Variants in ACTR5 observed in about 807,000 individuals in gnomAD.
The protein encoded by ACTR5 is actin related protein 5, also known as actin-related protein 5.
In ACTR5, 43 loss-of-function variants were observed where a neutral mutation model predicts 61.2. The ratio of observed to expected loss-of-function variants is 0.70; its 90% CI spans 0.55 to 0.91. The LOEUF (loss-of-function observed/expected upper bound fraction) is 0.91. Ranked by LOEUF, ACTR5 falls within the 40% of genes least tolerant of loss-of-function variation. The pLI, the probability that ACTR5 is intolerant of heterozygous loss-of-function variation, is 0.00. For missense variants in ACTR5, 798 were observed against 782.2 expected (o/e 1.02, Z -0.24); for synonymous variants, 333 against 310.5 (o/e 1.07, Z -0.76).
At chr20:38,750,635 T>C (rs1454212995) in intron 2 of ACTR5, among the ~76,000 whole-genome samples, 2 of 151,992 alleles carry the variant, frequency 1.3e-5, no homozygotes, top group African/African-American at 2.4e-5. Flanking sequence ...TTTTGTTTGT[T>C]TGTTTGTTTG....
chr20:38,770,354 C>T (rs2084512740), intron 8 of ACTR5, among the ~76,000 whole-genome samples: 1 of 152,174 alleles, frequency 6.6e-6, no homozygotes, highest in Admixed American at 6.5e-5. Context: ...AAATATCAGA[C>T]AATTTAAACC....
At chr20:38,762,706 A>T (rs2084462425) in intron 5 of ACTR5, among the ~76,000 whole-genome samples, 1 of 152,144 alleles carries the variant, frequency 6.6e-6, no homozygotes, top group Non-Finnish European at 1.5e-5. Flanking sequence ...CTGGGTAGAG[A>T]AGGGCATGTG....
intron 2 of ACTR5, 99 bp downstream of exon 2, chr20:38,750,338 T>A: frequency 2.0e-6 from 2 of 1,010,994 alleles, no homozygotes; most frequent in African/African-American, 1.7e-5. Context: ...GAGCAAGTAC[T>A]AGCCTGTGAA....
chr20:38,749,072 C>G (rs990928685), intron 1 of ACTR5, among the ~76,000 whole-genome samples: 1 of 152,152 alleles, frequency 6.6e-6, no homozygotes, highest in African/African-American at 2.4e-5. Flanking sequence ...TGTTAAGAAG[C>G]CCATTTATTA....
In ACTR5 at chr20:38,748,639, G is replaced by T; in HGVS notation, c.161G>T (p.Gly54Val). 6.6e-7 allele frequency: 1 copy of T among 1,518,808 alleles called. No individual in the cohort carries two copies. Among genetic ancestry groups the T allele is most frequent in the Non-Finnish European group, 8.8e-7 (1 of 1,135,952 alleles). The allele number at this position is 1,518,808 out of a possible 1,614,324, so 94.1% of individuals were successfully genotyped here. The change falls in exon 1 of 9, where the codon GGT becomes GTT. Residue 54 changes from glycine (G) to valine (V), a missense_variant. Coordinates refer to ENST00000243903, the MANE Select transcript of ACTR5 (RefSeq NM_024855.4). ...AGWACPGQDP[G>V]PEPRLQFRAV... ...TGGGCGTGTCCCGGGCAGGACCCAGGTCCCGAGCCGCGCCTGCAGTTCCGC... is the reference window on the plus strand; with the variant it reads ...TGGGCGTGTCCCGGGCAGGACCCAGTTCCCGAGCCGCGCCTGCAGTTCCGC...
chr20:38,753,836 C>T (rs2079495351), intron 3 of ACTR5, among the ~76,000 whole-genome samples: 1 of 142,724 alleles, frequency 7.0e-6, no homozygotes, highest in Admixed American at 6.9e-5. Context: ...TATTGTTCCT[C>T]TGTTTCTCTC....
At chr20:38,758,677 A>G (rs2084435159) in intron 5 of ACTR5, among the ~76,000 whole-genome samples, 1 of 152,132 alleles carries the variant, frequency 6.6e-6, no homozygotes, top group Non-Finnish European at 1.5e-5. Context: ...ATCAGTCGTC[A>G]AAGCTTTAAT....
intron 2 of ACTR5, 135 bp from the exon 3 acceptor site, chr20:38,751,996 T>C: frequency 2.0e-6 from 2 of 1,003,096 alleles, no homozygotes; most frequent in Non-Finnish European, 1.4e-6. Flanking sequence ...ACGTCCCTTC[T>C]GACTATCAGG....
intron 4 of ACTR5, among the ~76,000 whole-genome samples, chr20:38,755,625 T>G (rs2084415898): frequency 6.6e-6 from 1 of 151,550 alleles, no homozygotes; most frequent in African/African-American, 2.4e-5. Flanking sequence ...GTAACAACCT[T>G]TTAGACATCT....
chr20:38,771,687 C>G lies in ACTR5; in HGVS notation c.1695C>G (p.Leu565=), dbSNP rs545066126. 2 of 1,614,202 alleles carry G rather than the reference C, an allele frequency of 1.2e-6. No homozygotes were observed. Among genetic ancestry groups the G allele is most frequent in the East Asian group, 4.5e-5 (2 of 44,882 alleles). ...KEYEEKGGEY[L]KEHCASNIYV... ...ATGAAGAAAAGGGAGGAGAGTACCT[C>G]AAGGAGCACTGTGCTTCCAACATCT... The change falls in exon 9 of 9, where the codon CTC becomes CTG. Residue 565 remains leucine (L), a synonymous_variant. Transcript: ENST00000243903.
chr20:38,766,280 A>G lies in ACTR5; in HGVS notation c.1336A>G (p.Thr446Ala). 6.2e-7 allele frequency: 1 copy of G among 1,614,034 alleles called. No homozygotes were observed. The highest frequency in any genetic ancestry group is 8.5e-7 in the Non-Finnish European group (1 of 1,179,998). Residue 446 changes from threonine to alanine, a missense_variant, in exon 7 of 9, where the codon ACA becomes GCA. Transcript: ENST00000243903. ...AGCATATCATCAGCTATTTGTTGGG[A>G]CAGAAAGAATTCGAGCTCCAGAGAT... is the stretch of plus-strand genomic sequence containing the variant. ...LAAYHQLFVG[T>A]ERIRAPEIIF...
In ACTR5 at chr20:38,755,860, C is replaced by G. The variant is rs371951076; in HGVS notation, c.997C>G (p.Leu333Val). ...TTTGTGACTGCTCTGTTTTCAGGAA[C>G]TTCTAGAGGATGGCCAGATGGATCA... Reference protein sequence around the residue: ...RLDRLLYVQELLEDGQMDQFH... With the variant: ...RLDRLLYVQEVLEDGQMDQFH... The change falls in exon 5 of 9, where the codon CTT (leucine) becomes GTT (valine). Residue 333 changes from leucine to valine, a missense_variant. Leu to Val is a conservative substitution (Grantham distance 32). Coordinates refer to ENST00000243903, the MANE Select transcript of ACTR5 (RefSeq NM_024855.4). 5 of 1,613,986 alleles carry G rather than the reference C, an allele frequency of 3.1e-6. No homozygotes were observed. The African/African-American group carries it at 6.7e-5, about 22-fold the overall frequency.
intron 1 of ACTR5, among the ~76,000 whole-genome samples, chr20:38,749,100 A>G (rs1453039047): frequency 6.6e-6 from 1 of 152,228 alleles, no homozygotes; most frequent in African/African-American, 2.4e-5. Flanking sequence ...CGTATTGAGC[A>G]CTTACTCTGT....
chr20:38,763,532 T>C (rs1162732943), intron 5 of ACTR5, among the ~76,000 whole-genome samples: 1 of 152,242 alleles, frequency 6.6e-6, no homozygotes, highest in Non-Finnish European at 1.5e-5. Context: ...TGTTTTCATG[T>C]TCCTAAAGCC....
At chr20:38,760,797 G>C (rs2084449131) in intron 5 of ACTR5, among the ~76,000 whole-genome samples, 1 of 152,126 alleles carries the variant, frequency 6.6e-6, no homozygotes, top group African/African-American at 2.4e-5. Context: ...GTAGATGGTA[G>C]TGCCTTTTGA....
rs763212899 is a variant in ACTR5, at chr20:38,771,797, G to A, written c.1805G>A (p.Gly602Asp). The A allele has an allele frequency of 2.4e-5, 39 of 1,612,538 alleles. No homozygotes were observed. In the East Asian group the frequency reaches 3.3e-4, roughly 14 times the overall value. Residue 602 changes from glycine to aspartate, a missense_variant, in exon 9 of 9, where the codon GGT (glycine) becomes GAT (aspartate). Gly to Asp is a moderately conservative substitution (Grantham distance 94, BLOSUM62 -1). Coordinates refer to ENST00000243903, the MANE Select transcript of ACTR5 (RefSeq NM_024855.4). ...SSKGSAAGGG[G>D]AGEQA is the part of the protein sequence containing the mutation. ...AAGGGCTCCGCTGCTGGTGGAGGTG[G>A]TGCTGGTGAGCAGGCATAGCAGAGG...
At chr20:38,762,381 C>T (rs1005058069) in intron 5 of ACTR5, among the ~76,000 whole-genome samples, 2 of 152,162 alleles carry the variant, frequency 1.3e-5, no homozygotes, top group South Asian at 2.1e-4. Context: ...CCTTTCAGGA[C>T]CTTACCTTAG....
chr20:38,752,093 C>T (rs1204230922), intron 2 of ACTR5, 38 bp from the exon 3 acceptor site: 2 of 1,592,708 alleles, frequency 1.3e-6, no homozygotes, highest in South Asian at 1.1e-5. Flanking sequence ...TTCTGTCCTC[C>T]AGAAATTTCA....
chr20:38,768,420 C>G (rs950938357), intron 8 of ACTR5, among the ~76,000 whole-genome samples: 5 of 152,176 alleles, frequency 3.3e-5, no homozygotes, highest in African/African-American at 9.7e-5. Flanking sequence ...AGCAACTCAG[C>G]AGAGAGACAA....
Sources: allele counts gnomAD v4.1 joint callset (sites outside exome capture counted in the v4.1 genomes callset), GRCh38; gene constraint gnomAD v4.1.1; transcripts MANE v1.5; gene names NCBI Gene and HGNC (gene_info 2026-07-23, HGNC 2026-07-21).